Variants in AUTS2 observed in about 807,000 individuals in gnomAD.
The protein encoded by AUTS2 is autism susceptibility gene 2 protein.
In AUTS2, 17 loss-of-function variants were observed where a neutral mutation model predicts 112.4. That is an observed-to-expected ratio of 0.15 (90% confidence interval 0.10 to 0.23). The LOEUF is 0.23. Ranked by LOEUF, AUTS2 falls within the 10% of genes least tolerant of loss-of-function variation. AUTS2 has a pLI of 1.00. For synonymous variants in AUTS2, 751 were observed against 702.7 expected, an observed-to-expected ratio of 1.07 and a Z score of -1.09; for missense variants, 1,510 against 1,701.6, an observed-to-expected ratio of 0.89 and a Z score of 1.98.
chr7:70,703,490 C>CAAAAAAA (rs57223380), intron 6 of AUTS2, among the ~76,000 whole-genome samples: 8 of 98,618 alleles, frequency 8.1e-5, no homozygotes, highest in Non-Finnish European at 1.3e-4. Context: ...GACACCATTT[C>CAAAAAAA]AAAAAAAAAA....
intron 5 of AUTS2, among the ~76,000 whole-genome samples, chr7:70,676,303 G>A (rs1038634227): frequency 2.6e-5 from 4 of 151,716 alleles, no homozygotes; most frequent in African/African-American, 4.8e-5. Context: ...GGGGTGGTGC[G>A]TACCTGTAGC....
At chr7:69,845,235 C>T (rs1224991683) in intron 1 of AUTS2, among the ~76,000 whole-genome samples, 1 of 152,130 alleles carries the variant, frequency 6.6e-6, no homozygotes, top group Non-Finnish European at 1.5e-5. Flanking sequence ...GTACCTTTTT[C>T]CTCCTTTTTA....
At chr7:70,664,523 A>G (rs188115162) in intron 5 of AUTS2, among the ~76,000 whole-genome samples, 75 of 152,336 alleles carry the variant, frequency 4.9e-4, no homozygotes, top group Non-Finnish European at 2.4e-4. Flanking sequence ...TTTTAGTAAT[A>G]TATTATTTAA....
At chr7:70,188,280 T>C (rs888660133) in intron 4 of AUTS2, among the ~76,000 whole-genome samples, 4 of 152,142 alleles carry the variant, frequency 2.6e-5, no homozygotes, top group Admixed American at 2.0e-4. Flanking sequence ...TTGAGTAAGA[T>C]CCGGGCTTGA....
intron 10 of AUTS2, 130 bp from the exon 11 acceptor site, chr7:70,771,419 C>T (rs1790329988): frequency 1.5e-6 from 1 of 652,932 alleles, no homozygotes; most frequent in Admixed American, 2.9e-5. Flanking sequence ...ATCATGGCTT[C>T]TTGACTAATG....
rs1030472288 is a variant in AUTS2 at position 70,329,135 on chromosome 7, A to G, written c.661-106617A>G. Among the ~76,000 whole-genome samples, 5 of 152,106 alleles carry G rather than the reference A, an allele frequency of 3.3e-5. No individual in the cohort carries two copies. The East Asian group carries it at 9.6e-4, about 29-fold the overall frequency. On this transcript the variant is annotated intron_variant, in intron 4 of 18. Coordinates refer to ENST00000342771, the MANE Select transcript of AUTS2 (RefSeq NM_015570.4). ...CCACTCCTTTTTATAGCTGAATAAT[A>G]CTCCAGTATTTGTATATAACATGAT...
intron 5 of AUTS2, among the ~76,000 whole-genome samples, chr7:70,648,808 A>C (rs1806322204): frequency 6.6e-6 from 1 of 151,696 alleles, no homozygotes; most frequent in Non-Finnish European, 1.5e-5. Flanking sequence ...CTGGTCTCGA[A>C]CTCCTTACCT....
chr7:69,990,438 A>T (rs982253737), intron 2 of AUTS2, among the ~76,000 whole-genome samples: 1 of 152,160 alleles, frequency 6.6e-6, no homozygotes, highest in Admixed American at 6.5e-5. Context: ...TTTATATTGT[A>T]TCAGGTGAGG....
chr7:70,230,817 G>A (rs902627781), intron 4 of AUTS2, among the ~76,000 whole-genome samples: 2 of 152,180 alleles, frequency 1.3e-5, no homozygotes, highest in African/African-American at 4.8e-5. Context: ...CTGCAGTGTT[G>A]TCCTTTCCTG....
At chr7:70,000,072 T>G (rs1350124689) in intron 2 of AUTS2, among the ~76,000 whole-genome samples, 2 of 152,240 alleles carry the variant, frequency 1.3e-5, no homozygotes, top group Non-Finnish European at 2.9e-5. Flanking sequence ...CAGGTGAAAG[T>G]GCACACAAAC....
At chr7:70,757,451 G>T (rs1281994046) in intron 6 of AUTS2, among the ~76,000 whole-genome samples, 1 of 151,890 alleles carries the variant, frequency 6.6e-6, no homozygotes, top group Non-Finnish European at 1.5e-5. Flanking sequence ...ATTTGCTGTT[G>T]GTTTTCAATT....
intron 4 of AUTS2, among the ~76,000 whole-genome samples, chr7:70,137,309 C>G (rs1204752578): frequency 6.6e-6 from 1 of 151,926 alleles, no homozygotes; most frequent in Non-Finnish European, 1.5e-5. Flanking sequence ...GTGTTATACA[C>G]ACAGAGAGAC....
intron 4 of AUTS2, among the ~76,000 whole-genome samples, chr7:70,185,031 A>C (rs1809524637): frequency 6.6e-6 from 1 of 152,140 alleles, no homozygotes; most frequent in Admixed American, 6.5e-5. Context: ...ATTTATGCAT[A>C]TCTGCATTTG....
At chr7:69,681,446 A>G (rs547408764) in intron 1 of AUTS2, among the ~76,000 whole-genome samples, 4 of 152,326 alleles carry the variant, frequency 2.6e-5, no homozygotes, top group Admixed American at 6.5e-5. Context: ...AGAACAGGGC[A>G]GCTTTGAAGA....
intron 4 of AUTS2, among the ~76,000 whole-genome samples, chr7:70,305,286 C>T (rs1037930370): frequency 6.6e-6 from 1 of 152,076 alleles, no homozygotes; most frequent in African/African-American, 2.4e-5. Flanking sequence ...TCACATTTCA[C>T]TCCATAATGT....
intron 4 of AUTS2, among the ~76,000 whole-genome samples, chr7:70,368,581 T>A (rs1792692438): frequency 6.6e-6 from 1 of 152,182 alleles, no homozygotes; most frequent in African/African-American, 2.4e-5. Context: ...CCAACATTAA[T>A]TAGGAAGGGT....
chr7:69,722,572 G>C (rs1292533048), intron 1 of AUTS2, among the ~76,000 whole-genome samples: 2 of 152,126 alleles, frequency 1.3e-5, no homozygotes, highest in African/African-American at 4.8e-5. Context: ...CTGGGCTCGA[G>C]TGATCCGCCT....
intron 3 of AUTS2, among the ~76,000 whole-genome samples, chr7:70,120,821 A>G (rs758422348): frequency 3.3e-5 from 5 of 152,190 alleles, no homozygotes; most frequent in Non-Finnish European, 5.9e-5. Context: ...AATTCCAACA[A>G]TCTTTTTTTG....
chr7:70,765,086 T>C (rs1056205169), intron 8 of AUTS2, 81 bp downstream of exon 8: 2 of 1,530,124 alleles, frequency 1.3e-6, no homozygotes, highest in African/African-American at 1.4e-5. Flanking sequence ...GTTGTCCCGA[T>C]TGCAAGGTTG....
Sources: gnomAD v4.1 joint callset for allele counts (sites outside exome capture counted in the v4.1 genomes callset) on GRCh38, gnomAD v4.1.1 for gene constraint, MANE v1.5 for transcripts, NCBI Gene and HGNC (gene_info 2026-07-23, HGNC 2026-07-21) for gene names.